The following AGPAT3 variants were observed in gnomAD, a reference collection of about 807,000 sequenced individuals.
AGPAT3 encodes the protein 1-acyl-sn-glycerol-3-phosphate acyltransferase gamma.
Under a neutral mutation model 47.3 loss-of-function variants are expected in AGPAT3, and 5 were observed. The observed-to-expected ratio is 0.11, with a 90% CI of 0.06 to 0.22. The LOEUF is 0.22. Among genes scored for constraint, AGPAT3 ranks in the 10% least tolerant of loss-of-function variants. The probability of loss-of-function intolerance (pLI) is 1.00; values close to 1 mark genes in which losing one functional copy is unlikely to be tolerated. For missense variants in AGPAT3, 315 were observed against 493.0 expected (o/e 0.64, Z 3.42); for synonymous variants, 212 against 208.3 (o/e 1.02, Z -0.15).
At chr21:43,900,250 G>A (rs943680916) in intron 1 of AGPAT3, among the ~76,000 whole-genome samples, 1 of 152,210 alleles carries the variant, frequency 6.6e-6, no homozygotes, top group African/African-American at 2.4e-5. Flanking sequence ...CATTCTGGAT[G>A]AGTGAAAACC....
chr21:43,885,451 T>C (rs1204409759), intron 1 of AGPAT3, among the ~76,000 whole-genome samples: 1 of 151,350 alleles, frequency 6.6e-6, no homozygotes, highest in African/African-American at 2.4e-5. Flanking sequence ...TGCAATGGCA[T>C]GATCTCAGCT....
intron 3 of AGPAT3, chr21:43,965,778 T>C (rs1601443632): frequency 1.1e-5 from 1 of 94,900 alleles, no homozygotes; most frequent in Non-Finnish European, 2.1e-5. Context: ...ATCCAGCTAA[T>C]TTTTTTTATT....
rs142697787 is a variant in AGPAT3, at chr21:43,902,024, A to G, written c.-111-1933A>G. ...AAAATACCTGAAGACAATAATGGCT[A>G]GAATTTTTCCAGATCTGATGAAACT... On this transcript the variant is annotated intron_variant, in intron 1 of 9. Coordinates refer to ENST00000291572, the MANE Select transcript of AGPAT3 (RefSeq NM_020132.5). 5.3e-5 allele frequency among the ~76,000 whole-genome samples: 8 copies of G among 152,352 alleles called. No homozygotes were observed. In the East Asian group the frequency reaches 1.3e-3, roughly 26 times the overall value.
chr21:43,943,548 G>A (rs1467141930), intron 2 of AGPAT3, among the ~76,000 whole-genome samples: 1 of 152,200 alleles, frequency 6.6e-6, no homozygotes, highest in African/African-American at 2.4e-5. Context: ...TCAAGAGAAA[G>A]CCAGTCCTCA....
chr21:43,947,713 G>A (rs536644782), intron 2 of AGPAT3, among the ~76,000 whole-genome samples: 1 of 147,178 alleles, frequency 6.8e-6, no homozygotes, highest in Non-Finnish European at 1.5e-5. Flanking sequence ...TTTTGAGACA[G>A]AGTTTCAAAA....
At chr21:43,974,742 G>T (rs1264938025) in intron 7 of AGPAT3, among the ~76,000 whole-genome samples, 1 of 152,140 alleles carries the variant, frequency 6.6e-6, no homozygotes, top group Non-Finnish European at 1.5e-5. Context: ...TGTGTGGTGT[G>T]TACGACATGG....
intron 1 of AGPAT3, among the ~76,000 whole-genome samples, chr21:43,899,208 T>TGG (rs1016828460): frequency 5.9e-5 from 9 of 152,096 alleles, no homozygotes; most frequent in Non-Finnish European, 1.2e-4. Flanking sequence ...CCCTGCCCCT[T>TGG]GGGGGATATG....
chr21:43,891,957 C>T (rs2086111879), intron 1 of AGPAT3, among the ~76,000 whole-genome samples: 1 of 152,120 alleles, frequency 6.6e-6, no homozygotes, highest in African/African-American at 2.4e-5. Flanking sequence ...AATCACTATC[C>T]ATGGCAGCTA....
chr21:43,969,064 C>T (rs1388254856), intron 4 of AGPAT3, 54 bp from the exon 5 acceptor site: 85 of 1,594,566 alleles, frequency 5.3e-5, no homozygotes, highest in Non-Finnish European at 7.0e-5. Context: ...GGCCAAGCCC[C>T]TGGCCTCTGT....
At chr21:43,937,718 T>G (rs1181835321) in intron 2 of AGPAT3, among the ~76,000 whole-genome samples, 1 of 152,174 alleles carries the variant, frequency 6.6e-6, no homozygotes, top group East Asian at 1.9e-4. Flanking sequence ...CCACCATGCC[T>G]GGACAGGAAA....
chr21:43,971,614 C>G, intron 7 of AGPAT3, 124 bp downstream of exon 7: 1 of 823,244 alleles, frequency 1.2e-6, no homozygotes, highest in Non-Finnish European at 2.0e-6. Context: ...GTGGAACTCA[C>G]ACGGAAGGCC....
At position 43,987,111 on chromosome 21, in the gene AGPAT3, A is replaced by T. The variant is rs1350295244; in HGVS notation, c.*4719A>T. Among the ~76,000 whole-genome samples the T allele has an allele frequency of 6.6e-6, 1 of 152,238 alleles. No homozygotes were observed. Among genetic ancestry groups the T allele is most frequent in the East Asian group, 1.9e-4 (1 of 5,202 alleles). ...AAAATTGCTGCTGTGAAAGACAGGG[A>T]TAAAATATCCACAATATAAGAGAAA... On this transcript the variant is annotated 3_prime_UTR_variant, in exon 10 of 10. Coordinates refer to ENST00000291572, the MANE Select transcript of AGPAT3 (RefSeq NM_020132.5).
chr21:43,948,810 G>A (rs899926861), intron 2 of AGPAT3, among the ~76,000 whole-genome samples: 2 of 152,198 alleles, frequency 1.3e-5, no homozygotes, highest in Non-Finnish European at 2.9e-5. Flanking sequence ...TGGATCATGT[G>A]AGATGTGTGT....
intron 2 of AGPAT3, among the ~76,000 whole-genome samples, chr21:43,957,484 G>A (rs1373815128): frequency 2.0e-5 from 3 of 150,564 alleles, no homozygotes; most frequent in Admixed American, 6.6e-5. Context: ...CCACACGGGG[G>A]GTCTCGGGTT....
intron 2 of AGPAT3, among the ~76,000 whole-genome samples, chr21:43,931,831 G>A (rs2087254052): frequency 6.6e-6 from 1 of 151,958 alleles, no homozygotes; most frequent in Admixed American, 6.6e-5. Context: ...TAGGTTTGCT[G>A]TAAAGAGCAT....
rs141543298 is a variant in AGPAT3 at position 43,987,471 on chromosome 21, G to A, written c.*5079G>A. Among the ~76,000 whole-genome samples, 17 of 152,340 alleles carry A rather than the reference G, an allele frequency of 1.1e-4. No homozygotes were observed. The highest frequency in any genetic ancestry group is 4.1e-4 in the African/African-American group (17 of 41,562). On this transcript the variant is annotated 3_prime_UTR_variant, in exon 10 of 10. Transcript: ENST00000291572. Reference sequence around the variant, plus strand: ...GATCAAGGACAAAAGGTTTTCCTAAGTGGCATGTATACATCCAAAACTACT... The same window carrying A: ...GATCAAGGACAAAAGGTTTTCCTAAATGGCATGTATACATCCAAAACTACT...
intron 1 of AGPAT3, among the ~76,000 whole-genome samples, chr21:43,895,355 C>T (rs974047818): frequency 6.6e-5 from 10 of 151,942 alleles, no homozygotes; most frequent in African/African-American, 9.7e-5. Context: ...GCAGTCCGCC[C>T]GCCTTGGCCT....
In AGPAT3 at chr21:43,983,974, T is replaced by G. The variant is rs1037103289; in HGVS notation, c.*1582T>G. 6.6e-6 allele frequency: 1 copy of G among 152,018 alleles called. No individual in the cohort carries two copies. The highest frequency in any genetic ancestry group is 6.6e-5 in the Admixed American group (1 of 15,266). 9.4% of individuals were successfully genotyped at this position (152,018 alleles called of 1,614,324 possible). ...TCGGGCCTAAGTGTCCTGGGGAGAT[T>G]GGAGGGGACGGCAGCGTTCTGCATG... On this transcript the variant is annotated 3_prime_UTR_variant, in exon 10 of 10. Transcript: ENST00000291572.
chr21:43,959,880 T>C, intron 3 of AGPAT3, 21 bp downstream of exon 3: 1 of 1,588,866 alleles, frequency 6.3e-7, no homozygotes, highest in South Asian at 1.1e-5. Context: ...GCTGGGCCAG[T>C]CCCTGCCGCC....
Sources: gnomAD v4.1 joint callset for allele counts (sites outside exome capture counted in the v4.1 genomes callset) on GRCh38, gnomAD v4.1.1 for gene constraint, MANE v1.5 for transcripts, NCBI Gene and HGNC (gene_info 2026-07-23, HGNC 2026-07-21) for gene names.